Variants in VMAC observed in about 807,000 individuals in gnomAD.
The protein encoded by VMAC is vimentin-type intermediate filament-associated coiled-coil protein.
A neutral mutation model predicts 4.8 loss-of-function variants in VMAC; 8 were observed. The observed-to-expected ratio is 1.68, with a 90% CI of 0.99 to 3.03. The LOEUF is 3.03. Ranked by LOEUF, VMAC falls within the 30% of genes most tolerant of loss-of-function variation. VMAC has a pLI of 0.00. For missense variants in VMAC, 248 were observed against 245.1 expected (o/e 1.01, Z -0.08); for synonymous variants, 96 against 113.7 (o/e 0.84, Z 0.99).
chr19:5,905,082 G>C lies in VMAC; in HGVS notation c.191+1G>C. On this transcript the variant is annotated splice_donor_variant, in intron 1 of 1. Coordinates refer to ENST00000339485, the MANE Select transcript of VMAC (RefSeq NM_001017921.4). LOFTEE classifies it high-confidence loss of function. Reference sequence around the variant, plus strand: ...ACGAACTGGGTCGCGCCAAGGACCGGTGAGGCCCGGGGCCGGCCAGGTGGA... The same window carrying C: ...ACGAACTGGGTCGCGCCAAGGACCGCTGAGGCCCGGGGCCGGCCAGGTGGA... The C allele has an allele frequency of 7.4e-7, 1 of 1,352,638 alleles. No individual in the cohort carries two copies. The highest frequency in any genetic ancestry group is 9.4e-7 in the Non-Finnish European group (1 of 1,059,594). The allele number at this position is 1,352,638 out of a possible 1,614,324, so 83.8% of individuals were successfully genotyped here.
In VMAC at chr19:5,908,803, C is replaced by T; in HGVS notation, c.192-21C>T. The T allele has an allele frequency of 1.2e-6, 2 of 1,612,490 alleles. No homozygotes were observed. The highest frequency in any genetic ancestry group is 1.7e-6 in the Non-Finnish European group (2 of 1,179,474). On this transcript the variant is annotated intron_variant, in intron 1 of 1. Coordinates refer to ENST00000339485, the MANE Select transcript of VMAC (RefSeq NM_001017921.4). This position sits in a 1 kb window ranked among gnomAD's most constrained non-coding sequence, Gnocchi z 4.5. ...CTGTGGTCCTCAGTTCTGTAATCAC[C>T]TCCTCTTGCCTTCCTGCCAGTGAGA...
At position 5,909,505 on chromosome 19, in the gene VMAC, A is replaced by G; in HGVS notation, c.*363A>G. On this transcript the variant is annotated 3_prime_UTR_variant, in exon 2 of 2. Coordinates refer to ENST00000339485, the MANE Select transcript of VMAC (RefSeq NM_001017921.4). ...TTTTGTTTTTTTTTTTTTAAGACAGAGTCCCACTCTGTCGCCCTGGCTGGG... is the reference window on the plus strand; with the variant it reads ...TTTTGTTTTTTTTTTTTTAAGACAGGGTCCCACTCTGTCGCCCTGGCTGGG... The G allele has an allele frequency of 5.0e-6, 1 of 200,932 alleles. No individual in the cohort carries two copies. Among genetic ancestry groups the G allele is most frequent in the Non-Finnish European group, 9.9e-6 (1 of 101,056 alleles). The allele number at this position is 200,932 out of a possible 1,614,324, so 12.4% of individuals were successfully genotyped here. A position where few individuals can be genotyped will look rare whatever the true frequency, so the allele number is the denominator to read the frequency against.
At chr19:5,906,325 G>A (rs1365171000) in intron 1 of VMAC, among the ~76,000 whole-genome samples, 1 of 152,312 alleles carries the variant, frequency 6.6e-6, no homozygotes, top group Admixed American at 6.5e-5. Flanking sequence ...AGATGAGACA[G>A]GCACCCAGGG....
chr19:5,908,255 G>C lies in VMAC; in HGVS notation c.192-569G>C, dbSNP rs978872738. Among the ~76,000 whole-genome samples, 1 of 152,222 alleles carries C rather than the reference G, an allele frequency of 6.6e-6. No homozygotes were observed. Among genetic ancestry groups the C allele is most frequent in the Non-Finnish European group, 1.5e-5 (1 of 68,038 alleles). On this transcript the variant is annotated intron_variant, in intron 1 of 1. Transcript: ENST00000339485. The surrounding 1 kb of genome is among the most constrained non-coding windows in gnomAD (Gnocchi z 4.5). ...GCTACTCGGGAGGTTGAGGAGGACA[G>C]TTTGAACCTGGGAGGCAGAGGTTGC... is the stretch of plus-strand genomic sequence containing the variant.
At chr19:5,906,522 A>C (rs1599701088) in intron 1 of VMAC, among the ~76,000 whole-genome samples, 1 of 152,206 alleles carries the variant, frequency 6.6e-6, no homozygotes, top group African/African-American at 2.4e-5. Flanking sequence ...CCCATTGGGT[A>C]TCCACAGTCC....
intron 1 of VMAC, 73 bp downstream of exon 1, chr19:5,905,154 G>A (rs2057673941): frequency 7.6e-7 from 1 of 1,317,652 alleles, no homozygotes; most frequent in South Asian, 2.0e-5. Flanking sequence ...TGGAAAGCGA[G>A]GAAGGGCAGG....
In VMAC at chr19:5,908,711, G is replaced by A. The variant is rs2057687575; in HGVS notation, c.192-113G>A. 6 of 955,752 alleles carry A rather than the reference G, an allele frequency of 6.3e-6. No individual in the cohort carries two copies. The Admixed American group carries it at 1.3e-4, about 21-fold the overall frequency. The allele number at this position is 955,752 out of a possible 1,614,324, so 59.2% of individuals were successfully genotyped here. On this transcript the variant is annotated intron_variant, in intron 1 of 1. Transcript: ENST00000339485. This position sits in a 1 kb window ranked among gnomAD's most constrained non-coding sequence, Gnocchi z 4.5. ...GGGAGGACCCTGAGGCAGTGGTGAG[G>A]AATGCGGGCTTTATCCCAAAGGTGA...
chr19:5,909,323 C>A lies in VMAC; in HGVS notation c.*181C>A. 1.7e-6 allele frequency: 1 copy of A among 592,418 alleles called. No homozygotes were observed. 36.7% of individuals were successfully genotyped at this position (592,418 alleles called of 1,614,324 possible). Reference sequence around the variant, plus strand: ...ACAGGCCAGGTGCAGACGTTTAACCCAGACAGAAGTGTTCTTGTTTGTTTT... The same window carrying A: ...ACAGGCCAGGTGCAGACGTTTAACCAAGACAGAAGTGTTCTTGTTTGTTTT... On this transcript the variant is annotated 3_prime_UTR_variant, in exon 2 of 2. Coordinates refer to ENST00000339485, the MANE Select transcript of VMAC (RefSeq NM_001017921.4).
chr19:5,906,958 C>T (rs4807057), intron 1 of VMAC, among the ~76,000 whole-genome samples: 66,761 of 152,110 alleles, frequency 0.44, 15,197 homozygotes, highest in East Asian at 0.68. Flanking sequence ...ACCCAGGAGG[C>T]GGAAGTTGCA....
At position 5,909,079 on chromosome 19, in the gene VMAC, C is replaced by G. The variant is rs1458942760; in HGVS notation, c.447C>G (p.Asn149Lys). ...PPGGPGPPLD[N>K]STGEEADRDH... is the part of the protein sequence containing the mutation. The stretch of plus-strand genomic sequence containing the variant: ...GTGGGCCTGGTCCACCCCTTGACAA[C>G]AGCACTGGGGAAGAGGCGGACAGGG... Residue 149 changes from asparagine to lysine, a missense_variant, in exon 2 of 2, where the codon AAC becomes AAG. Asn to Lys is a moderately conservative substitution (Grantham distance 94). Transcript: ENST00000339485. 6.4e-7 allele frequency: 1 copy of G among 1,560,204 alleles called. No individual in the cohort carries two copies. Among genetic ancestry groups the G allele is most frequent in the Non-Finnish European group, 8.6e-7 (1 of 1,156,554 alleles).
In VMAC at chr19:5,909,273, A is replaced by G. The variant is rs541905735; in HGVS notation, c.*131A>G. The G allele has an allele frequency of 1.1e-4, 115 of 1,058,774 alleles. No homozygotes were observed. In the Admixed American group the frequency reaches 3.5e-3, roughly 32 times the overall value. The allele number at this position is 1,058,774 out of a possible 1,614,324, so 65.6% of individuals were successfully genotyped here. On this transcript the variant is annotated 3_prime_UTR_variant, in exon 2 of 2. Transcript: ENST00000339485. ...GTCTAAGCATCAGAACAGGCTGAAC[A>G]GTCAAAAAGTTTTCAAATAGGCCCA...
chr19:5,910,029 G>A lies in VMAC; in HGVS notation c.*887G>A, dbSNP rs1599702703. On this transcript the variant is annotated 3_prime_UTR_variant, in exon 2 of 2. Transcript: ENST00000339485. ...AGGAACTGTCACACCAGGAACCGGC[G>A]AGGGGCACAGCCTGTTTCAGACCAG... 3.3e-5 allele frequency: 5 copies of A among 152,106 alleles called. No individual in the cohort carries two copies. Among genetic ancestry groups the A allele is most frequent in the Non-Finnish European group, 7.3e-5 (5 of 68,052 alleles). The allele number at this position is 152,106 out of a possible 1,614,324, so 9.4% of individuals were successfully genotyped here.
chr19:5,908,973 TG>T lies in VMAC; in HGVS notation c.343del (p.Ala115LeufsTer106). Reference protein sequence around the residue: ...LQDICRRRPPLAGLLDALAEA... With the variant: ...LQDICRRRPPXAGLLDALAEA... Reference sequence around the variant, plus strand: ...GACATCTGCCGCCGCCGGCCACCCCTGGCTGGGCTGCTGGATGCCCTGGCTG... The same window carrying T: ...GACATCTGCCGCCGCCGGCCACCCCTGCTGGGCTGCTGGATGCCCTGGCTG... On this transcript the variant is annotated frameshift_variant, in exon 2 of 2. Transcript: ENST00000339485. LOFTEE classifies it low-confidence loss of function (END_TRUNC). The surrounding 1 kb of genome is among the most constrained non-coding windows in gnomAD (Gnocchi z 4.5). 1 of 1,611,740 alleles carries T rather than the reference TG, an allele frequency of 6.2e-7. No homozygotes were observed. The highest frequency in any genetic ancestry group is 8.5e-7 in the Non-Finnish European group (1 of 1,179,142).
intron 1 of VMAC, among the ~76,000 whole-genome samples, chr19:5,907,995 TA>T (rs1161000056): frequency 6.6e-6 from 1 of 152,164 alleles, no homozygotes; most frequent in Admixed American, 6.6e-5. Context: ...GAGAATGGAC[TA>T]ATACACCTCC....
rs958775716 is a variant in VMAC, at chr19:5,908,283, T to C, written c.192-541T>C. On this transcript the variant is annotated intron_variant, in intron 1 of 1. Coordinates refer to ENST00000339485, the MANE Select transcript of VMAC (RefSeq NM_001017921.4). This position sits in a 1 kb window ranked among gnomAD's most constrained non-coding sequence, Gnocchi z 4.5. ...TGAACCTGGGAGGCAGAGGTTGCAC[T>C]GAACTCCAGCCTGGGCAACAGAGCG... is the stretch of plus-strand genomic sequence containing the variant. Among the ~76,000 whole-genome samples, 1 of 152,206 alleles carries C rather than the reference T, an allele frequency of 6.6e-6. No individual in the cohort carries two copies. Among genetic ancestry groups the C allele is most frequent in the Admixed American group, 6.5e-5 (1 of 15,280 alleles).
chr19:5,905,568 C>T (rs532921128), intron 1 of VMAC, among the ~76,000 whole-genome samples: 1 of 151,946 alleles, frequency 6.6e-6, no homozygotes, highest in Admixed American at 6.6e-5. Context: ...TACAGGCGCC[C>T]GCCACCACGC....
Position 5,904,951 on chromosome 19 carries a change from C to A in VMAC, c.61C>A (p.Arg21=). The change falls in exon 1 of 2, where the codon CGG becomes AGG. Residue 21 remains arginine, a synonymous_variant. Transcript: ENST00000339485. The part of the protein sequence containing the change: ...EANAHLAAVH[R]RAAELEARLD... ...AAACGCACACCTGGCAGCCGTGCAC[C>A]GGCGCGCAGCGGAGCTGGAGGCGCG... 6.8e-7 allele frequency: 1 copy of A among 1,480,562 alleles called. No homozygotes were observed. The highest frequency in any genetic ancestry group is 1.3e-5 in the South Asian group (1 of 77,980). 91.7% of individuals were successfully genotyped at this position (1,480,562 alleles called of 1,614,324 possible).
rs965183310 is a variant in VMAC, at chr19:5,910,286, G to T, written c.*1144G>T. The T allele has an allele frequency of 6.6e-6, 1 of 152,246 alleles. No homozygotes were observed. The highest frequency in any genetic ancestry group is 2.4e-5 in the African/African-American group (1 of 41,446). 9.4% of individuals were successfully genotyped at this position (152,246 alleles called of 1,614,324 possible). On this transcript the variant is annotated 3_prime_UTR_variant, in exon 2 of 2. Transcript: ENST00000339485. The stretch of plus-strand genomic sequence containing the variant: ...CCCTCTGTGTTATTTGTGCCTCCTG[G>T]TAGGGTCCTGCTGGGCCAGGTAGAA...
Position 5,908,808 on chromosome 19 carries a change from C to T in VMAC, c.192-16C>T. 1 of 1,613,118 alleles carries T rather than the reference C, an allele frequency of 6.2e-7. No homozygotes were observed. ...GTCCTCAGTTCTGTAATCACCTCCT[C>T]TTGCCTTCCTGCCAGTGAGATTGCC... On this transcript the variant is annotated splice_polypyrimidine_tract_variant and intron_variant, in intron 1 of 1. Transcript: ENST00000339485. This position sits in a 1 kb window ranked among gnomAD's most constrained non-coding sequence, Gnocchi z 4.5.
Sources: gnomAD v4.1 joint callset for allele counts (sites outside exome capture counted in the v4.1 genomes callset) on GRCh38, gnomAD v4.1.1 for gene constraint, Gnocchi (gnomAD v3.1) non-coding constraint, MANE v1.5 for transcripts, NCBI Gene and HGNC (gene_info 2026-07-23, HGNC 2026-07-21) for gene names.